Variants in ATP6V1E1 observed in about 807,000 individuals in gnomAD.
ATP6V1E1 encodes ATPase H+ transporting V1 subunit E1, also known as V-type proton ATPase subunit E 1.
A neutral mutation model predicts 35.2 loss-of-function variants in ATP6V1E1; 21 were observed. The ratio of observed to expected loss-of-function variants is 0.60; its 90% CI spans 0.42 to 0.86. The LOEUF (loss-of-function observed/expected upper bound fraction) is 0.86. Among genes scored for constraint, ATP6V1E1 ranks in the 40% least tolerant of loss-of-function variants. The pLI is 0.00. For synonymous variants in ATP6V1E1, 83 were observed against 87.8 expected (o/e 0.95, Z 0.30); for missense variants, 183 against 272.6 (o/e 0.67, Z 2.32).
chr22:17,616,034 A>AAAAC (rs147264574), intron 2 of ATP6V1E1, among the ~76,000 whole-genome samples: 6,283 of 147,814 alleles, frequency 0.043, 358 homozygotes, highest in African/African-American at 0.14. Flanking sequence ...TCCATCTCAA[A>AAAAC]AAACAAACAA....
At chr22:17,603,082 G>A (rs900597897) in intron 4 of ATP6V1E1, among the ~76,000 whole-genome samples, 1 of 152,050 alleles carries the variant, frequency 6.6e-6, no homozygotes, top group African/African-American at 2.4e-5. Context: ...TCAGCCTCCT[G>A]AGTGTTACAG....
intron 2 of ATP6V1E1, among the ~76,000 whole-genome samples, chr22:17,617,332 C>A (rs896701677): frequency 2.6e-5 from 4 of 152,110 alleles, no homozygotes; most frequent in Non-Finnish European, 5.9e-5. Context: ...CTCTGTCACC[C>A]AGGCTAGATG....
chr22:17,602,138 C>T (rs1254172349), intron 4 of ATP6V1E1, among the ~76,000 whole-genome samples: 2 of 152,108 alleles, frequency 1.3e-5, no homozygotes, highest in Non-Finnish European at 2.9e-5. Flanking sequence ...AACTCCTGGC[C>T]TCAAGCAATC....
intron 4 of ATP6V1E1, among the ~76,000 whole-genome samples, chr22:17,605,920 A>C (rs1342212063): frequency 1.3e-5 from 2 of 151,934 alleles, no homozygotes; most frequent in African/African-American, 2.4e-5. Flanking sequence ...TCAGCCTCCC[A>C]AAGTGTGGGG....
chr22:17,617,381 C>T (rs5992759), intron 2 of ATP6V1E1, among the ~76,000 whole-genome samples: 17,391 of 152,130 alleles, frequency 0.11, 1,224 homozygotes, highest in African/African-American at 0.2. Context: ...GCAACCTCCA[C>T]CTCCCGGGTT....
At chr22:17,594,695 G>A in intron 7 of ATP6V1E1, 79 bp from the exon 8 acceptor site, 1 of 1,214,468 alleles carries the variant, frequency 8.2e-7, no homozygotes, top group Non-Finnish European at 1.1e-6. Flanking sequence ...TCCCGCAGAG[G>A]AATGCCCTTG....
chr22:17,601,843 G>T (rs1176765809), intron 4 of ATP6V1E1, among the ~76,000 whole-genome samples: 2 of 152,196 alleles, frequency 1.3e-5, no homozygotes, highest in Admixed American at 6.5e-5. Context: ...CTGACCTCAG[G>T]TGATCCGCCT....
rs2057760476 is a variant in ATP6V1E1, at chr22:17,601,265, G to T, written c.277-84C>A. ...CACTGTGAGGCTGATCCTGGCTCAT[G>T]CCCAGCTGCCTCACATTTTATTGCT... On this transcript the variant is annotated intron_variant, in intron 4 of 8. Coordinates refer to ENST00000253413, the MANE Select transcript of ATP6V1E1 (RefSeq NM_001696.4). 11 of 1,066,878 alleles carry T rather than the reference G, an allele frequency of 1.0e-5. No individual in the cohort carries two copies. In the South Asian group the frequency reaches 1.4e-4, roughly 14 times the overall value. The allele number at this position is 1,066,878 out of a possible 1,614,324, so 66.1% of individuals were successfully genotyped here.
intron 4 of ATP6V1E1, among the ~76,000 whole-genome samples, chr22:17,611,447 T>C (rs763565644): frequency 8.5e-5 from 13 of 152,228 alleles, no homozygotes; most frequent in Non-Finnish European, 1.0e-4. Context: ...TGAAGTAATA[T>C]AGGAGTTATA....
chr22:17,605,127 C>T lies in ATP6V1E1; in HGVS notation c.277-3946G>A, dbSNP rs570892752. Among the ~76,000 whole-genome samples, 26 of 147,682 alleles carry T rather than the reference C, an allele frequency of 1.8e-4. 1 individual carries two copies. The East Asian group carries it at 5.3e-3, about 30-fold the overall frequency. ...GGCTGAGGCAGGAGAATCGCTTGAA[C>T]CCGGGTGGCGGAGGCTGCAGTGAGT... On this transcript the variant is annotated intron_variant, in intron 4 of 8. Coordinates refer to ENST00000253413, the MANE Select transcript of ATP6V1E1 (RefSeq NM_001696.4).
chr22:17,612,276 C>A (rs527713124), intron 4 of ATP6V1E1, among the ~76,000 whole-genome samples: 2 of 152,254 alleles, frequency 1.3e-5, no homozygotes, highest in East Asian at 3.9e-4. Context: ...GAATATAATC[C>A]AAATAGCTCT....
intron 5 of ATP6V1E1, 80 bp downstream of exon 5, chr22:17,601,012 A>G (rs537302853): frequency 1.2e-4 from 139 of 1,176,342 alleles, no homozygotes; most frequent in Non-Finnish European, 1.6e-4. Context: ...AGCAGGAAAA[A>G]ATAGAGCTGG....
Position 17,628,664 on chromosome 22 carries a change from G to C in ATP6V1E1, c.-29C>G, listed in dbSNP as rs998867861. 1 of 1,613,988 alleles carries C rather than the reference G, an allele frequency of 6.2e-7. No homozygotes were observed. The highest frequency in any genetic ancestry group is 8.5e-7 in the Non-Finnish European group (1 of 1,179,986). The stretch of plus-strand genomic sequence containing the variant: ...GAGAGCAATGCTAGGCCGGTGAACA[G>C]TAGGCTCGAGTTTAGGTTTGAAAGG... On this transcript the variant is annotated 5_prime_UTR_variant, in exon 1 of 9. Transcript: ENST00000253413.
At chr22:17,615,973 G>A (rs9605344) in intron 2 of ATP6V1E1, among the ~76,000 whole-genome samples, 52,499 of 150,908 alleles carry the variant, frequency 0.35, 9,394 homozygotes, top group African/African-American at 0.41. Flanking sequence ...CAGAGGTTGC[G>A]GTGTGCTGAG....
At chr22:17,613,539 G>A (rs959952978) in intron 2 of ATP6V1E1, among the ~76,000 whole-genome samples, 3 of 151,552 alleles carry the variant, frequency 2.0e-5, no homozygotes, top group African/African-American at 7.3e-5. Context: ...TTCGTCAAGG[G>A]TAACAGTAAC....
chr22:17,611,217 T>C (rs1417581711), intron 4 of ATP6V1E1, among the ~76,000 whole-genome samples: 4 of 152,234 alleles, frequency 2.6e-5, no homozygotes, highest in African/African-American at 7.2e-5. Context: ...CTCCTGATTA[T>C]TGACACTTTA....
chr22:17,613,733 C>T (rs1170087992), intron 2 of ATP6V1E1, among the ~76,000 whole-genome samples: 2 of 151,816 alleles, frequency 1.3e-5, no homozygotes, highest in South Asian at 2.1e-4. Flanking sequence ...TTTGGGAGGC[C>T]GAGGCGGGTG....
At chr22:17,612,768 T>G in intron 4 of ATP6V1E1, 44 bp downstream of exon 4, 1 of 1,428,320 alleles carries the variant, frequency 7.0e-7, no homozygotes, top group Non-Finnish European at 9.5e-7. Context: ...GGGAAATGAA[T>G]AAACATGTAA....
At chr22:17,597,832 TGAGCA>T (rs2057740201) in intron 7 of ATP6V1E1, among the ~76,000 whole-genome samples, 1 of 152,136 alleles carries the variant, frequency 6.6e-6, no homozygotes, top group African/African-American at 2.4e-5. Context: ...GACTGGACTA[TGAGCA>T]GAGGGTGGAC....
Sources: gnomAD v4.1 joint callset for allele counts (sites outside exome capture counted in the v4.1 genomes callset) on GRCh38, gnomAD v4.1.1 for gene constraint, MANE v1.5 for transcripts, NCBI Gene and HGNC (gene_info 2026-07-23, HGNC 2026-07-21) for gene names.